The following NEDD9 variants were observed in gnomAD, a reference collection of about 807,000 sequenced individuals.
NEDD9 encodes enhancer of filamentation 1.
In NEDD9, 26 loss-of-function variants were observed where a neutral mutation model predicts 76.6. That is an observed-to-expected ratio of 0.34 (90% CI 0.25 to 0.47). The LOEUF (loss-of-function observed/expected upper bound fraction) is 0.47. Ranked by LOEUF, NEDD9 falls within the 20% of genes least tolerant of loss-of-function variation. The pLI is 1.00. For synonymous variants in NEDD9, 392 were observed against 414.2 expected (o/e 0.95, Z 0.65); for missense variants, 937 against 1,058.5 (o/e 0.89, Z 1.59).
intron 3 of NEDD9, among the ~76,000 whole-genome samples, chr6:11,282,946 T>TCCAATAA (rs1260331193): frequency 3.3e-5 from 5 of 152,258 alleles, no homozygotes; most frequent in Admixed American, 2.0e-4. Flanking sequence ...TATGATCACC[T>TCCAATAA]ACAATGCCCT....
chr6:11,308,772 A>C (rs1175930229), intron 2 of NEDD9, among the ~76,000 whole-genome samples: 3 of 152,148 alleles, frequency 2.0e-5, no homozygotes, highest in Non-Finnish European at 4.4e-5. Flanking sequence ...TAAGCCCCAC[A>C]AAAAATTGTT....
In NEDD9 at chr6:11,252,597, C is replaced by T. The variant is rs149808465; in HGVS notation, c.13-38870G>A. Among the ~76,000 whole-genome samples, 575 of 152,324 alleles carry T rather than the reference C, an allele frequency of 3.8e-3. 2 individuals carry two copies. Among genetic ancestry groups the T allele is most frequent in the African/African-American group, 0.013 (556 of 41,576 alleles). ...AAAGGAGCTGGTAGGAAATAGACAT[C>T]TTAGGTCCATGTCACTTACACTATT... On this transcript the variant is annotated intron_variant, in intron 3 of 3. Coordinates refer to the NEDD9 transcript ENST00000397378. The surrounding 1 kb of genome is among the most constrained non-coding windows in gnomAD (Gnocchi z 4.3).
intron 2 of NEDD9, chr6:11,200,074 C>A: frequency 4.5e-6 from 1 of 222,090 alleles, no homozygotes; most frequent in Non-Finnish European, 9.4e-6. Context: ...CTTTTCAAGC[C>A]TGGGGGCATT....
Position 11,370,796 on chromosome 6 carries a change from C to G in NEDD9, c.-214+11343G>C, listed in dbSNP as rs1762860946. On this transcript the variant is annotated intron_variant, in intron 1 of 3. Coordinates refer to the NEDD9 transcript ENST00000397378. This position sits in a 1 kb window ranked among gnomAD's most constrained non-coding sequence, Gnocchi z 4.2. ...TAACGTCCTTCACCCACCCACGGAGCCAACGGTTCAGAGGCAGAAACAGAC... is the reference window on the plus strand; with the variant it reads ...TAACGTCCTTCACCCACCCACGGAGGCAACGGTTCAGAGGCAGAAACAGAC... 6.6e-6 allele frequency among the ~76,000 whole-genome samples: 1 copy of G among 152,216 alleles called. No individual in the cohort carries two copies. The highest frequency in any genetic ancestry group is 1.5e-5 in the Non-Finnish European group (1 of 68,048).
At chr6:11,362,570 G>A (rs995084664) in intron 1 of NEDD9, among the ~76,000 whole-genome samples, 1 of 152,128 alleles carries the variant, frequency 6.6e-6, no homozygotes, top group African/African-American at 2.4e-5. Context: ...TCAAATTATG[G>A]TATTAACTGC....
intron 2 of NEDD9, among the ~76,000 whole-genome samples, chr6:11,209,673 A>C (rs1365023797): frequency 2.0e-5 from 3 of 152,198 alleles, no homozygotes; most frequent in Non-Finnish European, 4.4e-5. Flanking sequence ...TATCATTCCC[A>C]TTAAACAGAT....
intron 1 of NEDD9, among the ~76,000 whole-genome samples, chr6:11,365,187 C>G (rs992344839): frequency 7.2e-5 from 11 of 152,210 alleles, no homozygotes; most frequent in African/African-American, 2.7e-4. Flanking sequence ...TCACCCCTCC[C>G]TACCTTTCAA....
At chr6:11,311,533 C>T (rs1761366055) in intron 2 of NEDD9, among the ~76,000 whole-genome samples, 1 of 152,210 alleles carries the variant, frequency 6.6e-6, no homozygotes, top group Admixed American at 6.5e-5. Flanking sequence ...TGCTTACTGA[C>T]TTTTCCATCT....
chr6:11,344,920 CATACTT>C (rs1353731167), intron 1 of NEDD9, among the ~76,000 whole-genome samples: 1 of 152,176 alleles, frequency 6.6e-6, no homozygotes, highest in Non-Finnish European at 1.5e-5. Flanking sequence ...TCGAAGTACT[CATACTT>C]CTCATTTCAA....
At chr6:11,360,256 G>C (rs1033147140) in intron 1 of NEDD9, among the ~76,000 whole-genome samples, 17 of 152,156 alleles carry the variant, frequency 1.1e-4, no homozygotes, top group African/African-American at 4.1e-4. Flanking sequence ...ATGAGGAAAG[G>C]GTTCAAATGC....
At chr6:11,319,645 TCACACATGC>T (rs1761717226) in intron 2 of NEDD9, among the ~76,000 whole-genome samples, 2 of 126,198 alleles carry the variant, frequency 1.6e-5, no homozygotes, top group African/African-American at 6.1e-5. Flanking sequence ...ACATGCACAC[TCACACATGC>T]CACACACTAA....
intron 1 of NEDD9, among the ~76,000 whole-genome samples, chr6:11,214,502 A>G (rs1050935953): frequency 3.9e-5 from 6 of 152,190 alleles, no homozygotes; most frequent in East Asian, 1.9e-4. Context: ...CACCATTCAC[A>G]TCAGAAAAGC....
intron 2 of NEDD9, among the ~76,000 whole-genome samples, chr6:11,319,894 A>C (rs929451405): frequency 1.3e-5 from 2 of 151,632 alleles, no homozygotes; most frequent in African/African-American, 2.4e-5. Flanking sequence ...ATGCACACAA[A>C]GTCTGTCTCC....
chr6:11,223,675 C>T (rs1238200525), intron 1 of NEDD9, among the ~76,000 whole-genome samples: 1 of 152,140 alleles, frequency 6.6e-6, no homozygotes, highest in Non-Finnish European at 1.5e-5. Flanking sequence ...GGCTATGAGG[C>T]GAGAGCGCCC....
intron 1 of NEDD9, among the ~76,000 whole-genome samples, chr6:11,229,881 T>C (rs1054765826): frequency 6.6e-6 from 1 of 152,208 alleles, no homozygotes; most frequent in Non-Finnish European, 1.5e-5. Flanking sequence ...CCTGAAGCTA[T>C]GTATATTAAG....
intron 2 of NEDD9, among the ~76,000 whole-genome samples, chr6:11,310,988 C>T (rs1310374468): frequency 6.6e-6 from 1 of 152,180 alleles, no homozygotes; most frequent in Non-Finnish European, 1.5e-5. Context: ...CCACCTGTCA[C>T]CTGCCACTGA....
At chr6:11,354,970 A>G (rs1450821413) in intron 1 of NEDD9, among the ~76,000 whole-genome samples, 1 of 152,204 alleles carries the variant, frequency 6.6e-6, no homozygotes, top group Non-Finnish European at 1.5e-5. Context: ...GAGCCCCTGT[A>G]TCCACTTGTG....
chr6:11,233,469 T>C (rs1051296597), upstream of NEDD9: 2 of 518,766 alleles, frequency 3.9e-6, no homozygotes. Flanking sequence ...CACCGTCCAC[T>C]GAGTTCTGTG....
intron 2 of NEDD9, among the ~76,000 whole-genome samples, chr6:11,312,165 T>C (rs1000811469): frequency 5.9e-5 from 9 of 151,872 alleles, no homozygotes; most frequent in African/African-American, 2.2e-4. Context: ...CCTGGACAGC[T>C]CCCCGTGATG....
Sources: allele counts gnomAD v4.1 joint callset (sites outside exome capture counted in the v4.1 genomes callset), GRCh38; gene constraint gnomAD v4.1.1; non-coding constraint Gnocchi (gnomAD v3.1); transcripts MANE v1.5; gene names NCBI Gene and HGNC (gene_info 2026-07-23, HGNC 2026-07-21).